Variants in SHISA6 observed in about 807,000 individuals in gnomAD.
SHISA6 encodes the protein shisa family member 6, also known as protein shisa-6.
In SHISA6, 22 loss-of-function variants were observed where a neutral mutation model predicts 47.9. The ratio of observed to expected loss-of-function variants is 0.46; its 90% confidence interval spans 0.33 to 0.66. The LOEUF (loss-of-function observed/expected upper bound fraction) is 0.66. SHISA6 is among the 30% of genes least tolerant of loss of function. The pLI, the probability that SHISA6 is intolerant of heterozygous loss-of-function variation, is 0.02. For missense variants in SHISA6, 680 were observed against 764.6 expected (o/e 0.89, Z 1.30); for synonymous variants, 388 against 337.8 (o/e 1.15, Z -1.63).
At chr17:11,350,180 TTA>T (rs1473844972) in intron 2 of SHISA6, among the ~76,000 whole-genome samples, 1,274 of 119,048 alleles carry the variant, frequency 0.011, 32 homozygotes, top group African/African-American at 0.032. Context: ...ATTTATTTAT[TTA>T]TTTTTTTTTT....
At chr17:11,480,835 C>G in intron 3 of SHISA6, among the ~76,000 whole-genome samples, 1 of 152,076 alleles carries the variant, frequency 6.6e-6, no homozygotes, top group South Asian at 2.1e-4. Flanking sequence ...CGAGGAGAAC[C>G]TAATGGTACT....
chr17:11,467,333 C>G (rs3095672), intron 3 of SHISA6, among the ~76,000 whole-genome samples: 1 of 151,810 alleles, frequency 6.6e-6, no homozygotes, highest in African/African-American at 2.4e-5. Context: ...ACCACCACCA[C>G]CAACACCACC....
intron 3 of SHISA6, among the ~76,000 whole-genome samples, chr17:11,527,995 T>C (rs562148971): frequency 4.7e-4 from 71 of 152,336 alleles, no homozygotes; most frequent in African/African-American, 1.5e-3. Context: ...CTGGTAATTA[T>C]GTACTCATTG....
chr17:11,341,328 CTTTTTTTTTTTT>C (rs71367322), intron 2 of SHISA6, among the ~76,000 whole-genome samples: 11 of 88,826 alleles, frequency 1.2e-4, no homozygotes, highest in Non-Finnish European at 2.1e-4. Flanking sequence ...CTCTCTCTCT[CTTTTTTTTTTTT>C]TTTTTTTTTT....
At chr17:11,479,591 A>G (rs1369742263) in intron 3 of SHISA6, among the ~76,000 whole-genome samples, 2 of 152,158 alleles carry the variant, frequency 1.3e-5, no homozygotes, top group Non-Finnish European at 2.9e-5. Context: ...ACAAACCTGC[A>G]TGTTCTGCAC....
At chr17:11,316,160 T>A (rs375850329) in intron 2 of SHISA6, among the ~76,000 whole-genome samples, 5 of 149,730 alleles carry the variant, frequency 3.3e-5, no homozygotes, top group East Asian at 2.0e-4. Context: ...ATAGTGTTTT[T>A]AAAAAAAAAA....
intron 3 of SHISA6, among the ~76,000 whole-genome samples, chr17:11,502,594 G>A (rs897844802): frequency 2.0e-5 from 3 of 151,538 alleles, no homozygotes; most frequent in African/African-American, 2.4e-5. Context: ...ACGCATGGTG[G>A]TGTGTGCCTG....
intron 2 of SHISA6, 109 bp downstream of exon 2, chr17:11,263,635 T>C: frequency 7.3e-7 from 1 of 1,364,348 alleles, no homozygotes; most frequent in Non-Finnish European, 1.0e-6. Flanking sequence ...GATGAGGGAC[T>C]CTCATGGACA....
chr17:11,438,603 C>T (rs982641448), intron 3 of SHISA6, among the ~76,000 whole-genome samples: 1 of 152,148 alleles, frequency 6.6e-6, no homozygotes, highest in African/African-American at 2.4e-5. Context: ...GGACACCAGT[C>T]CTATCAGACT....
At chr17:11,516,909 C>T (rs997618250) in intron 3 of SHISA6, among the ~76,000 whole-genome samples, 2 of 152,178 alleles carry the variant, frequency 1.3e-5, no homozygotes, top group African/African-American at 2.4e-5. Context: ...AAGCCCAACC[C>T]AAATTCAGCA....
intron 3 of SHISA6, among the ~76,000 whole-genome samples, chr17:11,547,111 A>G (rs1006933828): frequency 6.6e-6 from 1 of 152,230 alleles, no homozygotes; most frequent in African/African-American, 2.4e-5. Context: ...GAGTAGTGGA[A>G]GACCTTAACA....
At chr17:11,462,021 G>C (rs1438714388) in intron 3 of SHISA6, among the ~76,000 whole-genome samples, 3 of 152,002 alleles carry the variant, frequency 2.0e-5, no homozygotes, top group East Asian at 3.9e-4. Flanking sequence ...TGGACAATTG[G>C]ATTTAGTAAG....
chr17:11,513,370 T>C (rs2071557745), intron 3 of SHISA6, among the ~76,000 whole-genome samples: 1 of 152,200 alleles, frequency 6.6e-6, no homozygotes, highest in African/African-American at 2.4e-5. Context: ...ATTATTTTCA[T>C]ATGTTCATTG....
chr17:11,387,408 AC>A (rs1913232684), intron 3 of SHISA6, among the ~76,000 whole-genome samples: 1 of 152,186 alleles, frequency 6.6e-6, no homozygotes, highest in Non-Finnish European at 1.5e-5. Flanking sequence ...CAAGGGAATC[AC>A]AGAGGTGCCC....
At chr17:11,546,925 T>C (rs983138240) in intron 3 of SHISA6, among the ~76,000 whole-genome samples, 3 of 149,772 alleles carry the variant, frequency 2.0e-5, no homozygotes, top group African/African-American at 7.4e-5. Flanking sequence ...CAAGACTCCA[T>C]CTCAAAAAAA....
At chr17:11,496,453 G>A (rs926911317) in intron 3 of SHISA6, among the ~76,000 whole-genome samples, 4 of 152,188 alleles carry the variant, frequency 2.6e-5, no homozygotes, top group Admixed American at 6.5e-5. Context: ...CGGGATAGAA[G>A]TGGGGGCCGG....
intron 3 of SHISA6, among the ~76,000 whole-genome samples, chr17:11,391,517 A>C (rs1913386283): frequency 6.6e-6 from 1 of 151,994 alleles, no homozygotes; most frequent in South Asian, 2.1e-4. Flanking sequence ...TGTGTGGCTG[A>C]CTCCATGGAC....
intron 3 of SHISA6, among the ~76,000 whole-genome samples, chr17:11,487,524 A>G (rs1349520960): frequency 2.6e-5 from 4 of 152,176 alleles, no homozygotes; most frequent in African/African-American, 9.7e-5. Flanking sequence ...GTACCCAGGA[A>G]ACATCCTGAA....
At chr17:11,337,239 A>G (rs1304093562) in intron 2 of SHISA6, among the ~76,000 whole-genome samples, 1 of 152,134 alleles carries the variant, frequency 6.6e-6, no homozygotes, top group Non-Finnish European at 1.5e-5. Context: ...AATGGTTGGG[A>G]GGAAAAGCCA....
Sources: allele counts gnomAD v4.1 joint callset (sites outside exome capture counted in the v4.1 genomes callset), GRCh38; gene constraint gnomAD v4.1.1; transcripts MANE v1.5; gene names NCBI Gene and HGNC (gene_info 2026-07-23, HGNC 2026-07-21).